Variants in PRIM2 observed in about 807,000 individuals in gnomAD.
The protein encoded by PRIM2 is DNA primase large subunit.
Under a neutral mutation model 67.3 loss-of-function variants are expected in PRIM2, and 39 were observed. That is an observed-to-expected ratio of 0.58 (90% confidence interval 0.45 to 0.76). The LOEUF (loss-of-function observed/expected upper bound fraction) is 0.76. PRIM2 is among the 30% of genes least tolerant of loss of function. PRIM2 has a pLI of 0.00. For synonymous variants in PRIM2, 143 were observed against 198.7 expected, an observed-to-expected ratio of 0.72 and a Z score of 2.36; for missense variants, 398 against 598.7, an observed-to-expected ratio of 0.66 and a Z score of 3.50.
intron 5 of PRIM2, among the ~76,000 whole-genome samples, chr6:57,378,107 C>G (rs1211422418): frequency 2.0e-5 from 3 of 146,516 alleles, no homozygotes; most frequent in African/African-American, 5.4e-5. Context: ...GTCACCCAGA[C>G]TGGAGTGCAG....
At chr6:57,423,784 T>C (rs1388533162) in intron 7 of PRIM2, among the ~76,000 whole-genome samples, 1 of 152,184 alleles carries the variant, frequency 6.6e-6, no homozygotes, top group Non-Finnish European at 1.5e-5. Flanking sequence ...CCTAGAGTAG[T>C]ACTCACTGTG....
intron 7 of PRIM2, among the ~76,000 whole-genome samples, chr6:57,450,946 TTC>T (rs1475094344): frequency 6.6e-6 from 1 of 152,196 alleles, no homozygotes; most frequent in Non-Finnish European, 1.5e-5. Context: ...GAAGGTAAGA[TTC>T]TCTTCCTCTT....
intron 7 of PRIM2, among the ~76,000 whole-genome samples, chr6:57,466,855 C>T (rs371571145): frequency 1.3e-5 from 2 of 152,282 alleles, no homozygotes; most frequent in African/African-American, 4.8e-5. Context: ...CGCAGTGGCT[C>T]ACGCCTGTAA....
intron 7 of PRIM2, among the ~76,000 whole-genome samples, chr6:57,461,072 T>A (rs145511110): frequency 6.6e-6 from 1 of 152,160 alleles, no homozygotes; most frequent in Non-Finnish European, 1.5e-5. Context: ...AAAGTCAGGG[T>A]TTAGTTAAGC....
chr6:57,299,721 G>C, the PRIM2 span, among the ~76,000 whole-genome samples: 2 of 152,248 alleles, frequency 1.3e-5, no homozygotes, highest in African/African-American at 2.4e-5. Context: ...CTTGGATATA[G>C]AGAGGAGAGC....
At chr6:57,454,099 T>G (rs1396036290) in intron 7 of PRIM2, among the ~76,000 whole-genome samples, 96 of 152,266 alleles carry the variant, frequency 6.3e-4, no homozygotes, top group Middle Eastern at 3.4e-3. Flanking sequence ...TTATTGATTT[T>G]CGTGTGTTGA....
rs1193745566 is a variant in PRIM2 at position 57,601,078 on chromosome 6, T to A, written c.1021-15T>A. The A allele has an allele frequency of 1.3e-5, 21 of 1,593,706 alleles. No individual in the cohort carries two copies. Among genetic ancestry groups the A allele is most frequent in the Non-Finnish European group, 1.8e-5 (21 of 1,170,432 alleles). On this transcript the variant is annotated splice_polypyrimidine_tract_variant and intron_variant, in intron 10 of 13. Transcript: ENST00000615550. ...TTGGCTGACTTTGTCTCTTTTTCCA[T>A]TTCCTCCCAATCAGTTTGATAAAGG... is the stretch of plus-strand genomic sequence containing the variant.
At chr6:57,304,342 T>C in the PRIM2 span, among the ~76,000 whole-genome samples, 16 of 152,334 alleles carry the variant, frequency 1.1e-4, 2 homozygotes, top group Admixed American at 6.5e-4. Context: ...TGTAGCATGC[T>C]TTACAAGTGC....
At chr6:57,310,750 C>T (rs957176141), upstream of PRIM2, among the ~76,000 whole-genome samples, 3 of 147,926 alleles carry the variant, frequency 2.0e-5, no homozygotes, top group African/African-American at 5.0e-5. Flanking sequence ...GACGGGGTGG[C>T]CAGGCAGAGG....
At chr6:57,457,902 G>T (rs1242726192) in intron 7 of PRIM2, among the ~76,000 whole-genome samples, 1 of 152,178 alleles carries the variant, frequency 6.6e-6, no homozygotes, top group African/African-American at 2.4e-5. Flanking sequence ...ATAGACTGGA[G>T]CTGTTCCTAT....
chr6:57,241,291 C>T, the PRIM2 span, among the ~76,000 whole-genome samples: 1 of 151,522 alleles, frequency 6.6e-6, no homozygotes, highest in African/African-American at 2.4e-5. Flanking sequence ...CACTTGTTGT[C>T]TCAGCTACTC....
the PRIM2 span, among the ~76,000 whole-genome samples, chr6:57,246,489 C>G: frequency 6.6e-6 from 1 of 152,172 alleles, no homozygotes; most frequent in Non-Finnish European, 1.5e-5. Flanking sequence ...GCCGTCCTAT[C>G]GGTGATGGGG....
At chr6:57,274,945 T>G in the PRIM2 span, among the ~76,000 whole-genome samples, 3 of 147,028 alleles carry the variant, frequency 2.0e-5, no homozygotes, top group African/African-American at 7.4e-5. Context: ...CCTGGCTAAT[T>G]TTTTTTTTTT....
chr6:57,588,407 G>A (rs1435579973), intron 10 of PRIM2, among the ~76,000 whole-genome samples: 3 of 148,704 alleles, frequency 2.0e-5, no homozygotes, highest in African/African-American at 7.4e-5. Flanking sequence ...ATCGATGAGA[G>A]ACGTGGAGAC....
chr6:57,616,061 G>A (rs1413672246), intron 12 of PRIM2, among the ~76,000 whole-genome samples: 3,599 of 152,276 alleles, frequency 0.024, 136 homozygotes, highest in African/African-American at 0.081. Flanking sequence ...ATGCCACAAT[G>A]AAGTTAACAT....
chr6:57,585,851 C>G (rs1776178461), intron 10 of PRIM2, among the ~76,000 whole-genome samples: 1 of 152,158 alleles, frequency 6.6e-6, no homozygotes, highest in Non-Finnish European at 1.5e-5. Context: ...ATTCTCTTCT[C>G]TCAGCAATCT....
chr6:57,561,335 G>A (rs1331408418), intron 10 of PRIM2, among the ~76,000 whole-genome samples: 1 of 152,148 alleles, frequency 6.6e-6, no homozygotes, highest in Non-Finnish European at 1.5e-5. Flanking sequence ...GGGTGCAAAC[G>A]ATTCTCCTGC....
At chr6:57,530,468 G>A (rs1774862968) in intron 8 of PRIM2, among the ~76,000 whole-genome samples, 2 of 152,136 alleles carry the variant, frequency 1.3e-5, no homozygotes, top group Non-Finnish European at 2.9e-5. Flanking sequence ...GGAAAAGGTG[G>A]GCAGGATGAC....
chr6:57,380,110 C>G (rs1182078920), intron 6 of PRIM2, 114 bp downstream of exon 6: 6 of 785,374 alleles, frequency 7.6e-6, no homozygotes, highest in Middle Eastern at 7.4e-4. Flanking sequence ...GCTACTCTGT[C>G]TCCTGCACAG....
Sources: gnomAD v4.1 joint callset for allele counts (sites outside exome capture counted in the v4.1 genomes callset) on GRCh38, gnomAD v4.1.1 for gene constraint, MANE v1.5 for transcripts, NCBI Gene and HGNC (gene_info 2026-07-23, HGNC 2026-07-21) for gene names.